Variants in NCAM1 observed in about 807,000 individuals in gnomAD.
The protein encoded by NCAM1 is neural cell adhesion molecule 1.
Under a neutral mutation model 109.8 loss-of-function variants are expected in NCAM1, and 14 were observed. That is an observed-to-expected ratio of 0.13 (90% CI 0.08 to 0.20). The LOEUF is 0.20. Among genes scored for constraint, NCAM1 ranks in the 10% least tolerant of loss-of-function variants. The probability of loss-of-function intolerance (pLI) is 1.00; values close to 1 mark genes in which losing one functional copy is unlikely to be tolerated. For synonymous variants in NCAM1, 418 were observed against 442.9 expected, an observed-to-expected ratio of 0.94 and a Z score of 0.70; for missense variants, 774 against 1,109.9, an observed-to-expected ratio of 0.70 and a Z score of 4.30.
In NCAM1 at chr11:112,967,144, C is replaced by G. The variant is rs528130370; in HGVS notation, c.52+5480C>G. Among the ~76,000 whole-genome samples, 24 of 152,286 alleles carry G rather than the reference C, an allele frequency of 1.6e-4. No homozygotes were observed. In the South Asian group the frequency reaches 4.3e-3, roughly 28 times the overall value. ...GATTTGTAGCTGCAAACATGGGTAA[C>G]AGCTGATCTTCCGTTTTCTATTTGG... On this transcript the variant is annotated intron_variant, in intron 1 of 19. Transcript: ENST00000316851.
chr11:113,270,769 A>T (rs1946249014), intron 18 of NCAM1, among the ~76,000 whole-genome samples: 1 of 152,144 alleles, frequency 6.6e-6, no homozygotes, highest in Non-Finnish European at 1.5e-5. Context: ...TTATTCATTC[A>T]TTCATCCATC....
At chr11:113,131,460 G>A (rs1305039769) in intron 1 of NCAM1, among the ~76,000 whole-genome samples, 7 of 152,178 alleles carry the variant, frequency 4.6e-5, no homozygotes, top group African/African-American at 1.7e-4. Context: ...ACATGCAGAA[G>A]AGCTTAAAAG....
rs571258235 is a variant in NCAM1 at position 112,995,639 on chromosome 11, GAGA to G, written c.52+33978_52+33980del. ...ATTATCTATTCTTGTACTTTAAATGGAGAAGGAGTGATTTTATAATGTGTAGTT... is the reference window on the plus strand; with the variant it reads ...ATTATCTATTCTTGTACTTTAAATGGAGGAGTGATTTTATAATGTGTAGTT... On this transcript the variant is annotated intron_variant, in intron 1 of 19. Transcript: ENST00000316851. Among the ~76,000 whole-genome samples, 318 of 152,332 alleles carry G rather than the reference GAGA, an allele frequency of 2.1e-3. 1 individual carries two copies. Among genetic ancestry groups the G allele is most frequent in the African/African-American group, 7.2e-3 (299 of 41,574 alleles).
chr11:113,271,668 G>C (rs1428276472), intron 18 of NCAM1, 92 bp from the exon 19 acceptor site: 2 of 887,754 alleles, frequency 2.3e-6, no homozygotes, highest in Non-Finnish European at 3.4e-6. Flanking sequence ...GATGCCCACC[G>C]TGCCAGCCTT....
At chr11:113,000,082 T>C (rs1951703422) in intron 1 of NCAM1, among the ~76,000 whole-genome samples, 1 of 151,938 alleles carries the variant, frequency 6.6e-6, no homozygotes, top group South Asian at 2.1e-4. Flanking sequence ...CCTGATATTC[T>C]GCCACTGATT....
intron 1 of NCAM1, among the ~76,000 whole-genome samples, chr11:112,976,361 G>T (rs537496477): frequency 6.6e-5 from 10 of 151,824 alleles, no homozygotes; most frequent in African/African-American, 2.2e-4. Context: ...TTATAGACTG[G>T]AACAAATAAA....
intron 1 of NCAM1, among the ~76,000 whole-genome samples, chr11:113,018,836 T>C (rs1227277614): frequency 1.3e-5 from 2 of 152,236 alleles, no homozygotes; most frequent in Admixed American, 1.3e-4. Flanking sequence ...GGTTTAGTTT[T>C]ATTGGACTTT....
intron 1 of NCAM1, among the ~76,000 whole-genome samples, chr11:112,964,159 T>TTG (rs1187860244): frequency 4.7e-5 from 5 of 105,462 alleles, no homozygotes; most frequent in African/African-American, 1.1e-4. Flanking sequence ...TTTTTTGTTT[T>TTG]TTTTTTGGAC....
At chr11:113,162,169 C>A (rs1343366313) in intron 1 of NCAM1, among the ~76,000 whole-genome samples, 2 of 152,128 alleles carry the variant, frequency 1.3e-5, no homozygotes, top group Non-Finnish European at 2.9e-5. Context: ...TGTTACCAGG[C>A]AATTGCTACA....
At chr11:112,969,440 G>A (rs971591744) in intron 1 of NCAM1, among the ~76,000 whole-genome samples, 7 of 152,116 alleles carry the variant, frequency 4.6e-5, no homozygotes, top group East Asian at 1.9e-4. Flanking sequence ...AAGCAAACAG[G>A]AATTCCTGTG....
chr11:113,266,880 C>T (rs1029303651), intron 17 of NCAM1, among the ~76,000 whole-genome samples: 1 of 152,168 alleles, frequency 6.6e-6, no homozygotes, highest in Non-Finnish European at 1.5e-5. Context: ...GAATGTATGA[C>T]TTGGAATGAC....
At chr11:112,973,760 C>T (rs913010674) in intron 1 of NCAM1, among the ~76,000 whole-genome samples, 4 of 152,080 alleles carry the variant, frequency 2.6e-5, no homozygotes, top group African/African-American at 7.2e-5. Context: ...AAGGGATATA[C>T]AATTCGCGTT....
chr11:113,195,133 T>A (rs1943814198), intron 1 of NCAM1, among the ~76,000 whole-genome samples: 1 of 152,196 alleles, frequency 6.6e-6, no homozygotes, highest in African/African-American at 2.4e-5. Context: ...TATTTTATAG[T>A]CTCTTTAAAA....
chr11:113,275,918 G>A lies in NCAM1; in HGVS notation c.*531G>A, dbSNP rs1288367732. On this transcript the variant is annotated 3_prime_UTR_variant, in exon 20 of 20. Transcript: ENST00000316851. Reference sequence around the variant, plus strand: ...ATAAGTTATAATTTCTGTTCACTTTGTATTTGTTCAGTATGCAAAGTGTGT... The same window carrying A: ...ATAAGTTATAATTTCTGTTCACTTTATATTTGTTCAGTATGCAAAGTGTGT... 3 of 152,790 alleles carry A rather than the reference G, an allele frequency of 2.0e-5. No homozygotes were observed. Among genetic ancestry groups the A allele is most frequent in the African/African-American group, 7.2e-5 (3 of 41,444 alleles). 9.5% of individuals were successfully genotyped at this position (152,790 alleles called of 1,614,324 possible).
rs151000938 is a variant in NCAM1 at position 113,015,972 on chromosome 11, C to T, written c.52+54308C>T. ...TCAGCAGCCTGATGTTATCAGGTGTCGAGTGGGCTTTGTAGGAGAAAAGCG... is the reference window on the plus strand; with the variant it reads ...TCAGCAGCCTGATGTTATCAGGTGTTGAGTGGGCTTTGTAGGAGAAAAGCG... On this transcript the variant is annotated intron_variant, in intron 1 of 19. Coordinates refer to ENST00000316851, the MANE Select transcript of NCAM1 (RefSeq NM_181351.5). 1.0e-3 allele frequency among the ~76,000 whole-genome samples: 153 copies of T among 152,162 alleles called. 1 individual carries two copies. Among genetic ancestry groups the T allele is most frequent in the African/African-American group, 3.5e-3 (146 of 41,510 alleles).
At chr11:113,082,693 A>T (rs1192393983) in intron 1 of NCAM1, among the ~76,000 whole-genome samples, 1 of 152,252 alleles carries the variant, frequency 6.6e-6, no homozygotes, top group African/African-American at 2.4e-5. Flanking sequence ...CGTGCTTGAC[A>T]CATCTATGAC....
intron 3 of NCAM1, among the ~76,000 whole-genome samples, chr11:113,205,112 G>A (rs1272111090): frequency 1.3e-5 from 2 of 152,164 alleles, no homozygotes; most frequent in African/African-American, 4.8e-5. Flanking sequence ...GTTGGGGTGG[G>A]ACTGGGAGTA....
chr11:113,196,409 A>G (rs1396629171), intron 1 of NCAM1, among the ~76,000 whole-genome samples: 1 of 152,238 alleles, frequency 6.6e-6, no homozygotes, highest in Non-Finnish European at 1.5e-5. Flanking sequence ...CCACCTGACC[A>G]CAAACTAGAT....
chr11:113,206,064 A>G lies in NCAM1; in HGVS notation c.512A>G (p.Asn171Ser), dbSNP rs1185247254. Residue 171 changes from asparagine to serine, a missense_variant, in exon 5 of 20, where the codon AAC (asparagine) becomes AGC (serine). By Grantham distance (46) the Asn-to-Ser change is conservative. Around this residue, in one of 4 missense-constraint regions of NCAM1, gnomAD observed 523 missense variants for 784.2 expected, o/e 0.67. Coordinates refer to ENST00000316851, the MANE Select transcript of NCAM1 (RefSeq NM_181351.5). ...KKDVRFIVLS[N>S]NYLQIRGIKK... The stretch of plus-strand genomic sequence containing the variant: ...CTAGTCCGATTCATAGTCCTGTCCA[A>G]CAACTACCTGCAGATCCGGGGCATC... The G allele has an allele frequency of 1.9e-6, 3 of 1,613,864 alleles. No homozygotes were observed. In the African/African-American group the frequency reaches 4.0e-5, roughly 22 times the overall value.
Sources: gnomAD v4.1 joint callset for allele counts (sites outside exome capture counted in the v4.1 genomes callset) on GRCh38, gnomAD v4.1.1 for gene constraint, gnomAD v4.1.1 regional missense constraint, MANE v1.5 for transcripts, NCBI Gene and HGNC (gene_info 2026-07-23, HGNC 2026-07-21) for gene names.